The following KALRN variants were observed in gnomAD, a reference collection of about 807,000 sequenced individuals.
KALRN encodes the protein kalirin RhoGEF kinase.
KALRN carries 70 observed loss-of-function variants against 353.7 expected under a neutral mutation model. That is an observed-to-expected ratio of 0.20 (90% CI 0.16 to 0.24). KALRN has a LOEUF of 0.24. Ranked by LOEUF, KALRN falls within the 10% of genes least tolerant of loss-of-function variation. The pLI is 1.00. For missense variants in KALRN, 2,791 were observed against 3,756.7 expected, an observed-to-expected ratio of 0.74 and a Z score of 6.72; for synonymous variants, 1,391 against 1,434.8, an observed-to-expected ratio of 0.97 and a Z score of 0.69.
intron 1 of KALRN, among the ~76,000 whole-genome samples, chr3:124,041,683 C>T (rs924320996): frequency 1.3e-5 from 2 of 152,184 alleles, no homozygotes; most frequent in African/African-American, 4.8e-5. Flanking sequence ...CAGGTGTGCA[C>T]AGAGAATCAG....
chr3:124,336,137 A>G (rs912813799), intron 9 of KALRN, among the ~76,000 whole-genome samples: 5 of 152,158 alleles, frequency 3.3e-5, no homozygotes, highest in Non-Finnish European at 7.4e-5. Context: ...TTGGGCTGTC[A>G]TAACTCCCCT....
intron 4 of KALRN, among the ~76,000 whole-genome samples, chr3:124,267,603 T>C (rs2148912164): frequency 6.6e-6 from 1 of 152,352 alleles, no homozygotes; most frequent in South Asian, 2.1e-4. Flanking sequence ...CAAAGGATTC[T>C]AATGAGCAGT....
At chr3:124,236,285 G>T (rs544736674) in intron 3 of KALRN, among the ~76,000 whole-genome samples, 15 of 152,236 alleles carry the variant, frequency 9.9e-5, no homozygotes, top group Admixed American at 9.8e-4. Flanking sequence ...AAGGATGAAA[G>T]ATTTTTTTTC....
chr3:124,366,947 G>A (rs1365625553), intron 10 of KALRN, among the ~76,000 whole-genome samples: 1 of 141,258 alleles, frequency 7.1e-6, no homozygotes, highest in Non-Finnish European at 1.5e-5. Context: ...TCACTTCCCA[G>A]TAGGGGTGGC....
intron 3 of KALRN, among the ~76,000 whole-genome samples, chr3:124,241,311 G>A (rs2080408892): frequency 2.0e-5 from 3 of 152,148 alleles, no homozygotes. Flanking sequence ...AGTTTTCTGT[G>A]ACTAGCATTT....
chr3:124,044,905 C>CCTTCCTTCTCTTCCTTCTCTTCCTTCT, intron 1 of KALRN, among the ~76,000 whole-genome samples: 2 of 45,600 alleles, frequency 4.4e-5, no homozygotes, highest in African/African-American at 1.0e-4. Context: ...TTCCTTCCTT[C>CCTTCCTTCTCTTCCTTCTCTTCCTTCT]CTTCCTTCTC....
rs114213102 is a variant in KALRN, at chr3:124,238,829, G to A, written c.263+3886G>A. On this transcript the variant is annotated intron_variant, in intron 3 of 59. Transcript: ENST00000682506. ...TCCATCTTGGCCTGAGATGAGTCCC[G>A]TCATTTTAACTTCTCTGTCTTGCTC... Among the ~76,000 whole-genome samples the A allele has an allele frequency of 5.0e-3, 768 of 152,262 alleles. 8 individuals carry two copies. The highest frequency in any genetic ancestry group is 0.018 in the African/African-American group (740 of 41,542).
intron 13 of KALRN, among the ~76,000 whole-genome samples, chr3:124,411,433 CTTTTTTT>C (rs61485429): frequency 8.7e-4 from 45 of 51,498 alleles, no homozygotes; most frequent in African/African-American, 1.4e-3. Context: ...TTAAATTATG[CTTTTTTT>C]TTTTTTTTTT....
At chr3:124,237,608 C>A (rs535790608) in intron 3 of KALRN, among the ~76,000 whole-genome samples, 1 of 152,168 alleles carries the variant, frequency 6.6e-6, no homozygotes, top group African/African-American at 2.4e-5. Context: ...AGTGATACAC[C>A]CACCTCAGCC....
rs779047572 is a variant in KALRN, at chr3:124,562,873, C to T, written c.4966C>T (p.Leu1656Phe). The T allele has an allele frequency of 1.0e-5, 14 of 1,367,050 alleles. No homozygotes were observed. Among genetic ancestry groups the T allele is most frequent in the African/African-American group, 8.9e-5 (6 of 67,720 alleles). The allele number at this position is 1,367,050 out of a possible 1,614,324, so 84.7% of individuals were successfully genotyped here. A position where few individuals can be genotyped will look rare whatever the true frequency, so the allele number is the denominator to read the frequency against. ...TGGTGGATGTGAGCTGACAGTGGTC[C>T]TCCAGGACTTCAGTGCGGGCCACAG... Reference protein sequence around the residue: ...LSGGCELTVVLQDFSAGHSSE... With the variant: ...LSGGCELTVVFQDFSAGHSSE... The change falls in exon 34 of 60, where the codon CTC (leucine) becomes TTC (phenylalanine). Residue 1656 changes from leucine (L) to phenylalanine (F), a missense_variant. Transcript: ENST00000682506.
At chr3:124,708,104 C>T (rs2062725450) in intron 57 of KALRN, among the ~76,000 whole-genome samples, 1 of 152,216 alleles carries the variant, frequency 6.6e-6, no homozygotes, top group Non-Finnish European at 1.5e-5. Flanking sequence ...ACAGAACTTG[C>T]AGTCTGAACC....
intron 33 of KALRN, among the ~76,000 whole-genome samples, chr3:124,502,751 G>A (rs995245310): frequency 6.6e-6 from 1 of 152,200 alleles, no homozygotes; most frequent in South Asian, 2.1e-4. Context: ...AAAACAGGCA[G>A]CAACATGCCC....
chr3:124,140,357 GA>G (rs1187757652), intron 1 of KALRN, among the ~76,000 whole-genome samples: 1 of 152,210 alleles, frequency 6.6e-6, no homozygotes, highest in Admixed American at 6.5e-5. Context: ...TCTAATGGTA[GA>G]ATTTCAACTG....
intron 10 of KALRN, among the ~76,000 whole-genome samples, chr3:124,357,952 A>T (rs2083604510): frequency 6.6e-6 from 1 of 152,188 alleles, no homozygotes; most frequent in African/African-American, 2.4e-5. Context: ...GGTCCCTCTC[A>T]ACTCTAAGAA....
chr3:124,576,827 A>G (rs2074148685), intron 34 of KALRN, among the ~76,000 whole-genome samples: 1 of 152,200 alleles, frequency 6.6e-6, no homozygotes, highest in African/African-American at 2.4e-5. Flanking sequence ...ACACTTAGCA[A>G]TCATAAGTTT....
intron 3 of KALRN, among the ~76,000 whole-genome samples, chr3:124,243,116 T>G (rs900098422): frequency 6.6e-6 from 1 of 152,248 alleles, no homozygotes. Context: ...CCTGCCTGTC[T>G]GTTTCTATAT....
At chr3:124,461,320 C>T (rs763208013) in intron 23 of KALRN, among the ~76,000 whole-genome samples, 3 of 151,492 alleles carry the variant, frequency 2.0e-5, no homozygotes, top group East Asian at 1.9e-4. Context: ...TGACAGAGAC[C>T]GAATTGCCCA....
intron 1 of KALRN, among the ~76,000 whole-genome samples, chr3:124,191,805 C>T (rs116218951): frequency 2.6e-3 from 390 of 152,208 alleles, no homozygotes; most frequent in African/African-American, 8.7e-3. Context: ...GGCTGTAAGG[C>T]TTTAGGAGTC....
chr3:124,664,416 T>G (rs2085350524), intron 45 of KALRN, among the ~76,000 whole-genome samples: 1 of 145,794 alleles, frequency 6.9e-6, no homozygotes, highest in South Asian at 2.2e-4. Context: ...GAATCAAGCT[T>G]TTTTTTTTTT....
Sources: gnomAD v4.1 joint callset for allele counts (sites outside exome capture counted in the v4.1 genomes callset) on GRCh38, gnomAD v4.1.1 for gene constraint, MANE v1.5 for transcripts, NCBI Gene and HGNC (gene_info 2026-07-23, HGNC 2026-07-21) for gene names.